The following CLEC2D variants were observed in gnomAD, a reference collection of about 807,000 sequenced individuals.
CLEC2D encodes the protein C-type lectin domain family 2 member D, also known as C-type lectin related f.
In CLEC2D, 16 loss-of-function variants were observed where a neutral mutation model predicts 20.0. That is an observed-to-expected ratio of 0.80 (90% CI 0.54 to 1.22). The LOEUF (loss-of-function observed/expected upper bound fraction) is 1.22. Among genes scored for constraint, CLEC2D ranks in the 50% most tolerant of loss-of-function variants. CLEC2D has a pLI of 0.00. For missense variants in CLEC2D, 207 were observed against 221.5 expected, an observed-to-expected ratio of 0.93 and a Z score of 0.42; for synonymous variants, 77 against 71.1, an observed-to-expected ratio of 1.08 and a Z score of -0.42.
In CLEC2D at chr12:9,695,855, CTGATGATGATGATGATGAAGA is replaced by C. The variant is rs981816460; in HGVS notation, c.*1000_*1020del. 21 of 988,744 alleles carry C rather than the reference CTGATGATGATGATGATGAAGA, an allele frequency of 2.1e-5. No individual in the cohort carries two copies. Among genetic ancestry groups the C allele is most frequent in the Non-Finnish European group, 2.6e-5 (16 of 625,490 alleles). The allele number at this position is 988,744 out of a possible 1,614,324, so 61.2% of individuals were successfully genotyped here. A position where few individuals can be genotyped will look rare whatever the true frequency, so the allele number is the denominator to read the frequency against. ...AAAAAAGTAAAACTTGCTGCTGCTGCTGATGATGATGATGATGAAGATGATGATGATGATGATGACGAGGAA... is the reference window on the plus strand; with the variant it reads ...AAAAAAGTAAAACTTGCTGCTGCTGCTGATGATGATGATGATGACGAGGAA... On this transcript the variant is annotated 3_prime_UTR_variant, in exon 5 of 5. Coordinates refer to ENST00000290855, the MANE Select transcript of CLEC2D (RefSeq NM_013269.6).
At chr12:9,683,429 A>C (rs1470990813) in intron 2 of CLEC2D, among the ~76,000 whole-genome samples, 4 of 132,532 alleles carry the variant, frequency 3.0e-5, no homozygotes, top group African/African-American at 1.2e-4. Flanking sequence ...TTGGTGTTTT[A>C]ATCATAAAAC....
chr12:9,675,849 T>C (rs60675581), intron 1 of CLEC2D, among the ~76,000 whole-genome samples: 7,768 of 152,328 alleles, frequency 0.051, 677 homozygotes, highest in African/African-American at 0.18. Flanking sequence ...ATAGATTTTG[T>C]ATATATTTTG....
Position 9,695,220 on chromosome 12 carries a change from G to A in CLEC2D, c.*346G>A. Reference sequence around the variant, plus strand: ...ATGTCTTATGTGGTGGCAGGCAGGGGGACTTGTGCACAGGAACTCCTATTT... The same window carrying A: ...ATGTCTTATGTGGTGGCAGGCAGGGAGACTTGTGCACAGGAACTCCTATTT... On this transcript the variant is annotated 3_prime_UTR_variant, in exon 5 of 5. Coordinates refer to ENST00000290855, the MANE Select transcript of CLEC2D (RefSeq NM_013269.6). 1 of 608,464 alleles carries A rather than the reference G, an allele frequency of 1.6e-6. No individual in the cohort carries two copies. Among genetic ancestry groups the A allele is most frequent in the Admixed American group, 2.7e-5 (1 of 36,990 alleles). 37.7% of individuals were successfully genotyped at this position (608,464 alleles called of 1,614,324 possible). A position where few individuals can be genotyped will look rare whatever the true frequency, so the allele number is the denominator to read the frequency against.
At chr12:9,693,302 A>G (rs1313765445) in intron 4 of CLEC2D, 1 of 497,568 alleles carries the variant, frequency 2.0e-6, no homozygotes, top group East Asian at 3.0e-5. Context: ...TATCAGGGAA[A>G]GATTATGAGT....
intron 2 of CLEC2D, among the ~76,000 whole-genome samples, chr12:9,682,430 A>G (rs141124102): frequency 1.1e-4 from 16 of 152,258 alleles, no homozygotes; most frequent in African/African-American, 3.4e-4. Context: ...CAGGTTCGTT[A>G]CATAGGTATA....
intron 2 of CLEC2D, among the ~76,000 whole-genome samples, chr12:9,683,218 T>C (rs1258016765): frequency 6.6e-6 from 1 of 152,152 alleles, no homozygotes; most frequent in Non-Finnish European, 1.5e-5. Flanking sequence ...TGTAAATTTT[T>C]TTAAGTTCCT....
At chr12:9,685,423 C>T (rs1003022717) in intron 2 of CLEC2D, among the ~76,000 whole-genome samples, 4 of 152,322 alleles carry the variant, frequency 2.6e-5, no homozygotes, top group African/African-American at 9.6e-5. Context: ...TTTAAGTCTC[C>T]TGAAGCCGTG....
Position 9,695,843 on chromosome 12 carries a change from T to TTTC in CLEC2D, c.*970_*971insTCT, listed in dbSNP as rs144516238. 22,756 of 873,400 alleles carry TTTC rather than the reference T, an allele frequency of 0.026. 371 individuals are homozygous for TTTC. Among genetic ancestry groups the TTTC allele is most frequent in the Non-Finnish European group, 0.032 (16,939 of 536,492 alleles). 54.1% of individuals were successfully genotyped at this position (873,400 alleles called of 1,614,324 possible). Reference sequence around the variant, plus strand: ...GGAGGTGGGCAGAAAAAAGTAAAACTTGCTGCTGCTGCTGATGATGATGAT... The same window carrying TTTC: ...GGAGGTGGGCAGAAAAAAGTAAAACTTTCTGCTGCTGCTGCTGATGATGATGAT... On this transcript the variant is annotated 3_prime_UTR_variant, in exon 5 of 5. Transcript: ENST00000290855.
At chr12:9,690,128 T>C (rs1865833532) in intron 3 of CLEC2D, among the ~76,000 whole-genome samples, 1 of 152,052 alleles carries the variant, frequency 6.6e-6, no homozygotes. Flanking sequence ...CAACTCATCA[T>C]TTACATAAGA....
At chr12:9,690,159 T>G (rs780533803) in intron 3 of CLEC2D, among the ~76,000 whole-genome samples, 7 of 152,196 alleles carry the variant, frequency 4.6e-5, no homozygotes, top group Non-Finnish European at 7.4e-5. Flanking sequence ...AATTAATAGC[T>G]GATTTTCTCT....
chr12:9,671,215 T>C (rs1865413941), intron 1 of CLEC2D, among the ~76,000 whole-genome samples: 2 of 152,050 alleles, frequency 1.3e-5, no homozygotes, highest in Admixed American at 6.6e-5. Flanking sequence ...ATGGAAAGGA[T>C]TGACTTTAGA....
At chr12:9,676,495 A>T (rs778736675) in intron 1 of CLEC2D, among the ~76,000 whole-genome samples, 2 of 152,252 alleles carry the variant, frequency 1.3e-5, no homozygotes, top group South Asian at 4.1e-4. Flanking sequence ...TTGAATGTTG[A>T]ACCTGCCTTA....
intron 1 of CLEC2D, among the ~76,000 whole-genome samples, chr12:9,672,790 GTC>G (rs1265031489): frequency 1.3e-5 from 2 of 151,714 alleles, no homozygotes; most frequent in Non-Finnish European, 1.5e-5. Context: ...AATCTTGTCT[GTC>G]TGCCTTATTT....
rs748253113 is a variant in CLEC2D, at chr12:9,694,906, A to C, written c.*32A>C. ...CAGCAAAGCCCCAACTAATCTTTAGAAGCATATTGGAACTGATAACTCCAT... is the reference window on the plus strand; with the variant it reads ...CAGCAAAGCCCCAACTAATCTTTAGCAGCATATTGGAACTGATAACTCCAT... On this transcript the variant is annotated 3_prime_UTR_variant, in exon 5 of 5. Transcript: ENST00000290855. 35 of 1,152,996 alleles carry C rather than the reference A, an allele frequency of 3.0e-5. No homozygotes were observed. The highest frequency in any genetic ancestry group is 4.5e-5 in the Non-Finnish European group (34 of 761,040). The allele number at this position is 1,152,996 out of a possible 1,614,324, so 71.4% of individuals were successfully genotyped here.
Position 9,695,361 on chromosome 12 carries a change from A to G in CLEC2D, c.*487A>G. 2 of 1,239,996 alleles carry G rather than the reference A, an allele frequency of 1.6e-6. No homozygotes were observed. The highest frequency in any genetic ancestry group is 2.3e-6 in the Non-Finnish European group (2 of 855,980). The allele number at this position is 1,239,996 out of a possible 1,614,324, so 76.8% of individuals were successfully genotyped here. ...TTTATCTTCGTCTGCCTTGTCTCCT[A>G]CCTAAGTGTGTGTCGCCACCCGATG... On this transcript the variant is annotated 3_prime_UTR_variant, in exon 5 of 5. Coordinates refer to ENST00000290855, the MANE Select transcript of CLEC2D (RefSeq NM_013269.6).
Position 9,696,321 on chromosome 12 carries a change from G to C in CLEC2D, c.*1447G>C, listed in dbSNP as rs1865993088. The C allele has an allele frequency of 1.6e-6, 1 of 611,924 alleles. No homozygotes were observed. Among genetic ancestry groups the C allele is most frequent in the Non-Finnish European group, 3.0e-6 (1 of 331,428 alleles). The allele number at this position is 611,924 out of a possible 1,614,324, so 37.9% of individuals were successfully genotyped here. ...CTGGCTGTCCTTTTTATAGTGCAGA[G>C]TGAGAACTTTCCCTACCATGTTTGA... On this transcript the variant is annotated 3_prime_UTR_variant, in exon 5 of 5. Coordinates refer to ENST00000290855, the MANE Select transcript of CLEC2D (RefSeq NM_013269.6).
chr12:9,688,080 G>A lies in CLEC2D; in HGVS notation c.351G>A (p.Gln117=). The A allele has an allele frequency of 6.3e-7, 1 of 1,585,376 alleles. No homozygotes were observed. The change falls in exon 3 of 5, where the codon CAG becomes CAA. Residue 117 remains glutamine (Q), a synonymous_variant. Transcript: ENST00000290855. ...DADLAQVESF[Q]ELNFLLRYKG... ...ATCTTGCTCAGGTTGAAAGCTTCCA[G>A]GAACTGGTAAGAAAATAGTTCTGGC... is the stretch of plus-strand genomic sequence containing the variant.
In CLEC2D at chr12:9,672,690, A is replaced by G. The variant is rs760505748; in HGVS notation, c.61+2895A>G. The stretch of plus-strand genomic sequence containing the variant: ...TGGTTCCATCCTCCCTGTCTCTTTC[A>G]GGTACTCCAGTCAGTGGTAGGTTCG... On this transcript the variant is annotated intron_variant, in intron 1 of 4. Coordinates refer to ENST00000290855, the MANE Select transcript of CLEC2D (RefSeq NM_013269.6). 1.6e-4 allele frequency among the ~76,000 whole-genome samples: 25 copies of G among 152,196 alleles called. No homozygotes were observed. The South Asian group carries it at 4.4e-3, about 26-fold the overall frequency.
At chr12:9,670,544 G>A (rs2114870) in intron 1 of CLEC2D, among the ~76,000 whole-genome samples, 45,069 of 151,962 alleles carry the variant, frequency 0.3, 6,908 homozygotes, top group Middle Eastern at 0.43. Flanking sequence ...ACTGTTTGTC[G>A]GATAGTTCCA....
Sources: allele counts gnomAD v4.1 joint callset (sites outside exome capture counted in the v4.1 genomes callset), GRCh38; gene constraint gnomAD v4.1.1; transcripts MANE v1.5; gene names NCBI Gene and HGNC (gene_info 2026-07-23, HGNC 2026-07-21).